The following MKLN1 variants were observed in gnomAD, a reference collection of about 807,000 sequenced individuals.
The protein encoded by MKLN1 is muskelin 1, also known as muskelin.
A neutral mutation model predicts 99.0 loss-of-function variants in MKLN1; 18 were observed. The ratio of observed to expected loss-of-function variants is 0.18; its 90% CI spans 0.13 to 0.27. The LOEUF (loss-of-function observed/expected upper bound fraction) is 0.27. Among genes scored for constraint, MKLN1 ranks in the 10% least tolerant of loss-of-function variants. The pLI, the probability that MKLN1 is intolerant of heterozygous loss-of-function variation, is 1.00. For missense variants in MKLN1, 621 were observed against 875.9 expected (o/e 0.71, Z 3.67); for synonymous variants, 288 against 293.2 (o/e 0.98, Z 0.18).
chr7:131,203,143 C>T (rs1409096618), intron 3 of MKLN1, among the ~76,000 whole-genome samples: 1 of 152,230 alleles, frequency 6.6e-6, no homozygotes, highest in Non-Finnish European at 1.5e-5. Flanking sequence ...TATCTAATCA[C>T]TTTGGCTACC....
chr7:131,416,538 T>C lies in MKLN1; in HGVS notation c.847+1828T>C, dbSNP rs565821957. Among the ~76,000 whole-genome samples, 111 of 151,294 alleles carry C rather than the reference T, an allele frequency of 7.3e-4. 1 individual carries two copies. Among genetic ancestry groups the C allele is most frequent in the African/African-American group, 2.2e-3 (91 of 41,302 alleles). ...GTATTTTTCTTTCTTTTTTTTTTTTTGAGATGGAGTCTTGCTCTGTCGCCC... is the reference window on the plus strand; with the variant it reads ...GTATTTTTCTTTCTTTTTTTTTTTTCGAGATGGAGTCTTGCTCTGTCGCCC... On this transcript the variant is annotated intron_variant, in intron 8 of 17. Coordinates refer to ENST00000352689, the MANE Select transcript of MKLN1 (RefSeq NM_013255.5).
At chr7:131,192,260 CA>C (rs1563247637) in intron 2 of MKLN1, among the ~76,000 whole-genome samples, 24 of 61,590 alleles carry the variant, frequency 3.9e-4, no homozygotes, top group African/African-American at 1.6e-3. Flanking sequence ...ATAATATATA[CA>C]ATATATAAAT....
In MKLN1 at chr7:131,495,950, TCA is replaced by T. The variant is rs952469489; in HGVS notation, c.*8226_*8227del. On this transcript the variant is annotated 3_prime_UTR_variant, in exon 18 of 18. Coordinates refer to ENST00000352689, the MANE Select transcript of MKLN1 (RefSeq NM_013255.5). ...CTTTTTAATATGGCCATAATTAAAC[TCA>T]CACTCAAAAAGGATGAGCTATTGTC... 2.6e-5 allele frequency: 4 copies of T among 152,286 alleles called. No homozygotes were observed. The East Asian group carries it at 5.8e-4, about 22-fold the overall frequency. 9.4% of individuals were successfully genotyped at this position (152,286 alleles called of 1,614,324 possible). A position where few individuals can be genotyped will look rare whatever the true frequency, so the allele number is the denominator to read the frequency against.
Position 131,443,609 on chromosome 7 carries a change from A to G in MKLN1, c.1302A>G (p.Gln434=), listed in dbSNP as rs764264771. The G allele has an allele frequency of 9.3e-6, 15 of 1,614,092 alleles. No homozygotes were observed. Among genetic ancestry groups the G allele is most frequent in the Admixed American group, 5.0e-5 (3 of 60,008 alleles). ...QFSGLFAFNC[Q]CQTWKLLRED... is the part of the protein sequence containing the mutation. ...GTGGCTTGTTTGCTTTCAACTGTCA[A>G]TGTCAAACCTGGAAACTTCTTCGAG... is the stretch of plus-strand genomic sequence containing the variant. The change falls in exon 11 of 18, where the codon CAA becomes CAG. Residue 434 remains glutamine (Q), a synonymous_variant. Transcript: ENST00000352689.
chr7:131,164,641 A>G (rs1437192440), intron 2 of MKLN1, among the ~76,000 whole-genome samples: 1 of 152,232 alleles, frequency 6.6e-6, no homozygotes, highest in African/African-American at 2.4e-5. Context: ...TGGCTTAAAT[A>G]GCTACATGGA....
At chr7:131,112,215 C>T (rs1197436178) in intron 1 of MKLN1, among the ~76,000 whole-genome samples, 2 of 152,186 alleles carry the variant, frequency 1.3e-5, no homozygotes, top group Non-Finnish European at 2.9e-5. Flanking sequence ...GGTCTTATGT[C>T]AGTTTCTTCG....
chr7:131,221,210 C>CA (rs35468898), intron 3 of MKLN1, among the ~76,000 whole-genome samples: 31,677 of 152,014 alleles, frequency 0.21, 3,527 homozygotes, highest in Non-Finnish European at 0.25. Context: ...GACATGGAGC[C>CA]TGGAAAGGGC....
chr7:131,253,629 C>T (rs180827744), intron 3 of MKLN1, among the ~76,000 whole-genome samples: 33 of 152,272 alleles, frequency 2.2e-4, no homozygotes, highest in African/African-American at 6.5e-4. Flanking sequence ...ATCATCACTC[C>T]AAGAGAAGTG....
intron 1 of MKLN1, among the ~76,000 whole-genome samples, chr7:131,373,922 T>C (rs1194436988): frequency 2.6e-5 from 4 of 151,938 alleles, no homozygotes; most frequent in Non-Finnish European, 5.9e-5. Context: ...TCTCAGTCTT[T>C]CCTTGTTTTT....
intron 3 of MKLN1, among the ~76,000 whole-genome samples, chr7:131,264,065 A>G (rs754492302): frequency 3.3e-5 from 5 of 152,126 alleles, no homozygotes; most frequent in Non-Finnish European, 7.4e-5. Context: ...CAGGGCAAAA[A>G]TTTCTGGAAT....
At chr7:131,294,821 G>C (rs1333432278) in intron 3 of MKLN1, among the ~76,000 whole-genome samples, 1 of 152,164 alleles carries the variant, frequency 6.6e-6, no homozygotes, top group Non-Finnish European at 1.5e-5. Context: ...CTGGTGCCAA[G>C]ATAATCTGAT....
At chr7:131,117,803 C>T (rs371899940) in intron 1 of MKLN1, among the ~76,000 whole-genome samples, 2 of 152,030 alleles carry the variant, frequency 1.3e-5, no homozygotes, top group South Asian at 4.2e-4. Flanking sequence ...ATGATGAGAG[C>T]CAAGAGTTAT....
chr7:131,293,408 A>G (rs181543378), intron 3 of MKLN1, among the ~76,000 whole-genome samples: 1 of 152,362 alleles, frequency 6.6e-6, no homozygotes, highest in East Asian at 1.9e-4. Flanking sequence ...ATAGTCATCT[A>G]TGTTGTAATT....
At chr7:131,124,388 T>C (rs1685380801) in intron 1 of MKLN1, among the ~76,000 whole-genome samples, 1 of 152,160 alleles carries the variant, frequency 6.6e-6, no homozygotes, top group South Asian at 2.1e-4. Context: ...AGTGACATTG[T>C]CACAGGAGCA....
In MKLN1 at chr7:131,495,154, G is replaced by C. The variant is rs1047694195; in HGVS notation, c.*7426G>C. 1 of 152,136 alleles carries C rather than the reference G, an allele frequency of 6.6e-6. No individual in the cohort carries two copies. Among genetic ancestry groups the C allele is most frequent in the African/African-American group, 2.4e-5 (1 of 41,434 alleles). The allele number at this position is 152,136 out of a possible 1,614,324, so 9.4% of individuals were successfully genotyped here. A position where few individuals can be genotyped will look rare whatever the true frequency, so the allele number is the denominator to read the frequency against. On this transcript the variant is annotated 3_prime_UTR_variant, in exon 18 of 18. Coordinates refer to ENST00000352689, the MANE Select transcript of MKLN1 (RefSeq NM_013255.5). ...AGATGTTAGAATTTTTTAAAAGTCAGCTCTTTTATAAATTGGAAGTACTCA... is the reference window on the plus strand; with the variant it reads ...AGATGTTAGAATTTTTTAAAAGTCACCTCTTTTATAAATTGGAAGTACTCA...
chr7:131,484,231 C>A (rs1797209497), intron 17 of MKLN1, among the ~76,000 whole-genome samples: 1 of 151,972 alleles, frequency 6.6e-6, no homozygotes, highest in African/African-American at 2.4e-5. Flanking sequence ...AAAAGATGTG[C>A]CTTTGAGAGT....
At chr7:131,406,521 A>G (rs911894365) in intron 6 of MKLN1, among the ~76,000 whole-genome samples, 2 of 152,020 alleles carry the variant, frequency 1.3e-5, no homozygotes, top group African/African-American at 2.4e-5. Flanking sequence ...ACCCTATAAA[A>G]TATTTGTCTT....
intron 3 of MKLN1, among the ~76,000 whole-genome samples, chr7:131,275,567 A>ATT (rs869119196): frequency 2.7e-3 from 15 of 5,618 alleles, no homozygotes; most frequent in Admixed American, 0.011. Context: ...ATATATATAT[A>ATT]TTTTTTTTTT....
At chr7:131,409,911 C>T (rs780056365) in intron 6 of MKLN1, among the ~76,000 whole-genome samples, 4 of 151,994 alleles carry the variant, frequency 2.6e-5, no homozygotes, top group East Asian at 3.8e-4. Context: ...TCTTGTACTT[C>T]GACAAATTTG....
Sources: allele counts gnomAD v4.1 joint callset (sites outside exome capture counted in the v4.1 genomes callset), GRCh38; gene constraint gnomAD v4.1.1; transcripts MANE v1.5; gene names NCBI Gene and HGNC (gene_info 2026-07-23, HGNC 2026-07-21).